The following CEP44 variants were observed in gnomAD, a reference collection of about 807,000 sequenced individuals.
CEP44 encodes the protein centrosomal protein 44, also known as centrosomal protein of 44 kDa.
In CEP44, 45 loss-of-function variants were observed where a neutral mutation model predicts 46.7. That is an observed-to-expected ratio of 0.96 (90% CI 0.76 to 1.24). The LOEUF is 1.24. CEP44 is among the 50% of genes most tolerant of loss of function. The pLI is 0.00. For synonymous variants in CEP44, 142 were observed against 146.0 expected (o/e 0.97, Z 0.20); for missense variants, 475 against 459.7 (o/e 1.03, Z -0.30).
intron 1 of CEP44, among the ~76,000 whole-genome samples, chr4:174,296,028 A>G (rs566766521): frequency 5.9e-5 from 9 of 152,194 alleles, no homozygotes; most frequent in Non-Finnish European, 1.3e-4. Context: ...CTGCATACCT[A>G]GAGTAAATCT....
rs111322796 is a variant in CEP44, at chr4:174,312,926, G to A, written c.961+2068G>A. On this transcript the variant is annotated intron_variant, in intron 9 of 11. Coordinates refer to ENST00000503780, the MANE Select transcript of CEP44 (RefSeq NM_001040157.3). The surrounding 1 kb of genome is among the most constrained non-coding windows in gnomAD (Gnocchi z 4.5). ...TATCAGGAATACAGTGTTCCATGGG[G>A]AATTGTAAGGCACCTTAATGTCTTG... Among the ~76,000 whole-genome samples the A allele has an allele frequency of 6.2e-3, 950 of 152,246 alleles. 4 individuals carry two copies. The highest frequency in any genetic ancestry group is 0.011 in the Non-Finnish European group (720 of 67,996).
At position 174,320,015 on chromosome 4, in the gene CEP44, T is replaced by C. The variant is rs1169268300; in HGVS notation, c.*2632T>C. ...AAGTAAAATTTTCACTTTCATTCTT[T>C]TCATTCTCTCATAAACTGGTTGAAA... On this transcript the variant is annotated 3_prime_UTR_variant, in exon 12 of 12. Coordinates refer to ENST00000503780, the MANE Select transcript of CEP44 (RefSeq NM_001040157.3). The C allele has an allele frequency of 1.0e-6, 1 of 985,304 alleles. No individual in the cohort carries two copies. The highest frequency in any genetic ancestry group is 1.2e-6 in the Non-Finnish European group (1 of 829,844). The allele number at this position is 985,304 out of a possible 1,614,324, so 61.0% of individuals were successfully genotyped here. A position where few individuals can be genotyped will look rare whatever the true frequency, so the allele number is the denominator to read the frequency against.
rs1741929726 is a variant in CEP44 at position 174,318,047 on chromosome 4, T to C, written c.*664T>C. 3.0e-6 allele frequency: 3 copies of C among 985,282 alleles called. No homozygotes were observed. 61.0% of individuals were successfully genotyped at this position (985,282 alleles called of 1,614,324 possible). A position where few individuals can be genotyped will look rare whatever the true frequency, so the allele number is the denominator to read the frequency against. On this transcript the variant is annotated 3_prime_UTR_variant, in exon 12 of 12. Coordinates refer to ENST00000503780, the MANE Select transcript of CEP44 (RefSeq NM_001040157.3). ...ACCATGAGAAATGTGTTGAACATTT[T>C]AGTATGCTCTATTGTATAATTTTTT...
chr4:174,300,540 TAAA>T (rs1739594639), intron 3 of CEP44, among the ~76,000 whole-genome samples: 1 of 152,094 alleles, frequency 6.6e-6, no homozygotes, highest in African/African-American at 2.4e-5. Flanking sequence ...ATACAGTGTT[TAAA>T]CATTTAATTT....
chr4:174,285,236 AAAGT>A (rs1161564639), intron 1 of CEP44, among the ~76,000 whole-genome samples: 2 of 152,228 alleles, frequency 1.3e-5, no homozygotes. Context: ...TTCATTAATG[AAAGT>A]AAGGTGTTAA....
chr4:174,317,650 C>G lies in CEP44; in HGVS notation c.*267C>G. The G allele has an allele frequency of 9.7e-7, 1 of 1,033,494 alleles. No homozygotes were observed. The highest frequency in any genetic ancestry group is 1.2e-6 in the Non-Finnish European group (1 of 860,054). The allele number at this position is 1,033,494 out of a possible 1,614,324, so 64.0% of individuals were successfully genotyped here. ...TTTCTCTTACAGAGTGAAGTCATTACAGCACTGTATTTCTGTGTTGACATT... is the reference window on the plus strand; with the variant it reads ...TTTCTCTTACAGAGTGAAGTCATTAGAGCACTGTATTTCTGTGTTGACATT... On this transcript the variant is annotated 3_prime_UTR_variant, in exon 12 of 12. Transcript: ENST00000503780.
intron 3 of CEP44, among the ~76,000 whole-genome samples, chr4:174,300,704 G>A (rs562845729): frequency 6.6e-6 from 1 of 151,926 alleles, no homozygotes; most frequent in African/African-American, 2.4e-5. Flanking sequence ...ACACATTTAA[G>A]CACACACACA....
chr4:174,317,665 G>C lies in CEP44; in HGVS notation c.*282G>C, dbSNP rs553075342. ...GAAGTCATTACAGCACTGTATTTCT[G>C]TGTTGACATTTGTTGGCAGTGTGCT... On this transcript the variant is annotated 3_prime_UTR_variant, in exon 12 of 12. Coordinates refer to ENST00000503780, the MANE Select transcript of CEP44 (RefSeq NM_001040157.3). 4.2e-5 allele frequency: 43 copies of C among 1,019,778 alleles called. No individual in the cohort carries two copies. In the African/African-American group the frequency reaches 5.5e-4, roughly 13 times the overall value. The allele number at this position is 1,019,778 out of a possible 1,614,324, so 63.2% of individuals were successfully genotyped here.
chr4:174,320,101 T>G lies in CEP44; in HGVS notation c.*2718T>G. 1 of 985,298 alleles carries G rather than the reference T, an allele frequency of 1.0e-6. No homozygotes were observed. The highest frequency in any genetic ancestry group is 1.2e-6 in the Non-Finnish European group (1 of 829,888). The allele number at this position is 985,298 out of a possible 1,614,324, so 61.0% of individuals were successfully genotyped here. ...GTGCTGCCCTGTCTATGTTATGCTC[T>G]GAATAGGTCTCGGTAAAGATTATAT... On this transcript the variant is annotated 3_prime_UTR_variant, in exon 12 of 12. Transcript: ENST00000503780.
Position 174,303,734 on chromosome 4 carries a change from T to G in CEP44, c.269T>G (p.Ile90Ser). Residue 90 changes from isoleucine (I) to serine (S), a missense_variant, in exon 5 of 12, where the codon ATT becomes AGT. Physicochemically the swap from Ile to Ser is moderately radical, Grantham distance 142. Transcript: ENST00000503780. The stretch of plus-strand genomic sequence containing the variant: ...CGTGATCAATTTAATTATAAACCAA[T>G]TTTGACAAAAAAGCAGTTTATCCAA... ...LLRDQFNYKPILTKKQFIQCG... is the reference protein window; with the variant it reads ...LLRDQFNYKPSLTKKQFIQCG... The G allele has an allele frequency of 6.5e-7, 1 of 1,549,426 alleles. No individual in the cohort carries two copies. The highest frequency in any genetic ancestry group is 8.8e-7 in the Non-Finnish European group (1 of 1,132,424).
rs113348175 is a variant in CEP44, at chr4:174,320,033, G to A, written c.*2650G>A. The A allele has an allele frequency of 3.0e-6, 3 of 984,918 alleles. No individual in the cohort carries two copies. The African/African-American group carries it at 5.2e-5, about 17-fold the overall frequency. 61.0% of individuals were successfully genotyped at this position (984,918 alleles called of 1,614,324 possible). A position where few individuals can be genotyped will look rare whatever the true frequency, so the allele number is the denominator to read the frequency against. On this transcript the variant is annotated 3_prime_UTR_variant, in exon 12 of 12. Transcript: ENST00000503780. Reference sequence around the variant, plus strand: ...CATTCTTTTCATTCTCTCATAAACTGGTTGAAAAAACACTGTACTACCAAC... The same window carrying A: ...CATTCTTTTCATTCTCTCATAAACTAGTTGAAAAAACACTGTACTACCAAC...
chr4:174,297,726 G>A lies in CEP44; in HGVS notation c.-147-240G>A, dbSNP rs1021817563. On this transcript the variant is annotated intron_variant, in intron 1 of 11. Transcript: ENST00000503780. This position sits in a 1 kb window ranked among gnomAD's most constrained non-coding sequence, Gnocchi z 4.3. Reference sequence around the variant, plus strand: ...TTTCTGCCTTCGAACACTTCCTTCTGTATTGTTCGCCTTGCCTGATGTTAC... The same window carrying A: ...TTTCTGCCTTCGAACACTTCCTTCTATATTGTTCGCCTTGCCTGATGTTAC... 7.2e-5 allele frequency among the ~76,000 whole-genome samples: 11 copies of A among 151,850 alleles called. No individual in the cohort carries two copies. The highest frequency in any genetic ancestry group is 2.7e-4 in the African/African-American group (11 of 41,344).
At chr4:174,291,337 A>C (rs1456810538) in intron 1 of CEP44, among the ~76,000 whole-genome samples, 7 of 152,004 alleles carry the variant, frequency 4.6e-5, no homozygotes, top group Admixed American at 4.6e-4. Context: ...TTTGCATCAA[A>C]TATTATGTAG....
rs770115106 is a variant in CEP44, at chr4:174,304,338, A to T, written c.476A>T (p.Asp159Val). 16 of 1,611,980 alleles carry T rather than the reference A, an allele frequency of 9.9e-6. No individual in the cohort carries two copies. The African/African-American group carries it at 2.0e-4, about 20-fold the overall frequency. Residue 159 changes from aspartate to valine, a missense_variant, in exon 6 of 12, where the codon GAT (aspartate) becomes GTT (valine). By Grantham distance (152) the Asp-to-Val change is radical. Coordinates refer to ENST00000503780, the MANE Select transcript of CEP44 (RefSeq NM_001040157.3). ...ATATCTGCAGAGGCTGTTGGCGTTG[A>T]TATCAGTGGCAGGTTTATGACCTCA... ...EKISAEAVGVDISGRFMTSGK... is the reference protein window; with the variant it reads ...EKISAEAVGVVISGRFMTSGK...
intron 1 of CEP44, chr4:174,285,426 T>C (rs1683868381): frequency 6.6e-6 from 1 of 152,168 alleles, no homozygotes; most frequent in African/African-American, 2.4e-5. Context: ...ACTTACCTCG[T>C]TCACGAGCTC....
rs1039422164 is a variant in CEP44 at position 174,318,817 on chromosome 4, T to C, written c.*1434T>C. Reference sequence around the variant, plus strand: ...TTTTAGAATTCCTTTGTTTTTTTTTTTTTTCTTTTTGAAACAGGGTCTCAC... The same window carrying C: ...TTTTAGAATTCCTTTGTTTTTTTTTCTTTTCTTTTTGAAACAGGGTCTCAC... On this transcript the variant is annotated 3_prime_UTR_variant, in exon 12 of 12. Transcript: ENST00000503780. 2.2e-5 allele frequency: 16 copies of C among 720,946 alleles called. No individual in the cohort carries two copies. In the African/African-American group the frequency reaches 2.7e-4, roughly 12 times the overall value. 44.7% of individuals were successfully genotyped at this position (720,946 alleles called of 1,614,324 possible).
chr4:174,304,776 C>T (rs888325900), intron 6 of CEP44, among the ~76,000 whole-genome samples: 3 of 152,022 alleles, frequency 2.0e-5, no homozygotes, highest in Non-Finnish European at 4.4e-5. Context: ...ATTTCTGTAA[C>T]CAAGTATGAA....
At chr4:174,307,809 C>A (rs997271416) in intron 6 of CEP44, among the ~76,000 whole-genome samples, 4 of 152,020 alleles carry the variant, frequency 2.6e-5, no homozygotes, top group African/African-American at 9.7e-5. Context: ...ATATGAACAT[C>A]TACTTCTGAA....
In CEP44 at chr4:174,303,697, C is replaced by T. The variant is rs1560901783; in HGVS notation, c.238-6C>T. On this transcript the variant is annotated splice_region_variant and splice_polypyrimidine_tract_variant and intron_variant, in intron 4 of 11. Transcript: ENST00000503780. The stretch of plus-strand genomic sequence containing the variant: ...CAATTATTACAAGAGTCTGTTTCCT[C>T]TGCAGCTTCTTCGTGATCAATTTAA... 3 of 1,512,824 alleles carry T rather than the reference C, an allele frequency of 2.0e-6. No homozygotes were observed. The highest frequency in any genetic ancestry group is 2.7e-5 in the African/African-American group (2 of 72,942). The allele number at this position is 1,512,824 out of a possible 1,614,324, so 93.7% of individuals were successfully genotyped here.
Sources: gnomAD v4.1 joint callset for allele counts (sites outside exome capture counted in the v4.1 genomes callset) on GRCh38, gnomAD v4.1.1 for gene constraint, Gnocchi (gnomAD v3.1) non-coding constraint, MANE v1.5 for transcripts, NCBI Gene and HGNC (gene_info 2026-07-23, HGNC 2026-07-21) for gene names.